Variants in DYNC2LI1 observed in about 807,000 individuals in gnomAD.
DYNC2LI1 encodes the protein cytoplasmic dynein 2 light intermediate chain 1.
A neutral mutation model predicts 51.9 loss-of-function variants in DYNC2LI1; 45 were observed. The observed-to-expected ratio is 0.87, with a 90% CI of 0.68 to 1.11. DYNC2LI1 has a LOEUF of 1.11. DYNC2LI1 is among the 50% of genes most tolerant of loss of function. The pLI, the probability that DYNC2LI1 is intolerant of heterozygous loss-of-function variation, is 0.00. For synonymous variants in DYNC2LI1, 130 were observed against 137.8 expected (o/e 0.94, Z 0.40); for missense variants, 490 against 417.4 (o/e 1.17, Z -1.51).
chr2:43,782,333 T>G (rs1673328605), intron 2 of DYNC2LI1, among the ~76,000 whole-genome samples: 1 of 152,124 alleles, frequency 6.6e-6, no homozygotes, highest in Non-Finnish European at 1.5e-5. Context: ...TTACTCAATT[T>G]GATCGTATTC....
intron 8 of DYNC2LI1, among the ~76,000 whole-genome samples, chr2:43,797,605 T>C (rs1665925998): frequency 6.8e-6 from 1 of 147,252 alleles, no homozygotes; most frequent in Non-Finnish European, 1.5e-5. Flanking sequence ...CTGCAACCTC[T>C]ATCTCCTGGG....
At chr2:43,822,577 T>C in the DYNC2LI1 span, 4 of 984,858 alleles carry the variant, frequency 4.1e-6, no homozygotes, top group African/African-American at 3.5e-5. Flanking sequence ...CAGGCACATG[T>C]CATCTTGTTG....
chr2:43,822,093 A>T, the DYNC2LI1 span, among the ~76,000 whole-genome samples: 2 of 152,102 alleles, frequency 1.3e-5, no homozygotes, highest in Admixed American at 1.3e-4. Flanking sequence ...TTTGAACTTG[A>T]TCATCATTTA....
the DYNC2LI1 span, among the ~76,000 whole-genome samples, chr2:43,817,359 C>T: frequency 6.6e-6 from 1 of 151,980 alleles, no homozygotes; most frequent in South Asian, 2.1e-4. Flanking sequence ...GTGGTGCGCA[C>T]CTGTAATCCC....
At chr2:43,788,479 C>A (rs1363230945) in intron 4 of DYNC2LI1, among the ~76,000 whole-genome samples, 4 of 152,086 alleles carry the variant, frequency 2.6e-5, no homozygotes, top group Non-Finnish European at 5.9e-5. Flanking sequence ...ATTTAATTCC[C>A]TAGGAGTCCT....
intron 3 of DYNC2LI1, among the ~76,000 whole-genome samples, chr2:43,783,982 A>G (rs1337171466): frequency 2.0e-5 from 3 of 152,196 alleles, no homozygotes; most frequent in South Asian, 4.1e-4. Context: ...TATATTTCCT[A>G]ACGTATACTG....
intron 2 of DYNC2LI1, among the ~76,000 whole-genome samples, chr2:43,778,288 G>C (rs192882559): frequency 1.3e-3 from 198 of 152,150 alleles, no homozygotes; most frequent in African/African-American, 4.6e-3. Flanking sequence ...AAGTAGCTGG[G>C]ATTACAGGCA....
At chr2:43,813,957 G>A (rs1190097431), downstream of DYNC2LI1, among the ~76,000 whole-genome samples, 1 of 151,928 alleles carries the variant, frequency 6.6e-6, no homozygotes, top group Non-Finnish European at 1.5e-5. Flanking sequence ...GACCTCAAGT[G>A]ATCCAACCTC....
chr2:43,794,716 T>C (rs1164740174), intron 6 of DYNC2LI1, 73 bp downstream of exon 6: 1 of 1,608,726 alleles, frequency 6.2e-7, no homozygotes, highest in Non-Finnish European at 8.5e-7. Flanking sequence ...CACAAACAAC[T>C]TCTTTAGATT....
At chr2:43,799,733 A>G (rs1666011877) in intron 8 of DYNC2LI1, among the ~76,000 whole-genome samples, 1 of 152,230 alleles carries the variant, frequency 6.6e-6, no homozygotes, top group African/African-American at 2.4e-5. Flanking sequence ...TCCCAGCCCT[A>G]TCTTCTATGA....
rs769247828 is a variant in DYNC2LI1, at chr2:43,801,619, T to A, written c.732-20T>A. On this transcript the variant is annotated intron_variant, in intron 9 of 12. Transcript: ENST00000260605. ...ATCTAATTGCTAAACTAATTTAGAATCTTTCTCTTCTCCACGTAGCAAATC... is the reference window on the plus strand; with the variant it reads ...ATCTAATTGCTAAACTAATTTAGAAACTTTCTCTTCTCCACGTAGCAAATC... The A allele has an allele frequency of 2.3e-5, 37 of 1,588,442 alleles. No homozygotes were observed. Among genetic ancestry groups the A allele is most frequent in the Non-Finnish European group, 3.2e-5 (37 of 1,162,326 alleles).
chr2:43,822,485 C>CCCCCCG, the DYNC2LI1 span: 5 of 925,946 alleles, frequency 5.4e-6, no homozygotes, highest in African/African-American at 9.0e-5. Flanking sequence ...CAGGCCCCCC[C>CCCCCCG]CCATGCACCT....
chr2:43,807,206 G>T (rs1319031715), intron 12 of DYNC2LI1, among the ~76,000 whole-genome samples: 1 of 152,074 alleles, frequency 6.6e-6, no homozygotes, highest in African/African-American at 2.4e-5. Flanking sequence ...AGTCCTCAAG[G>T]ATCTGAGGAT....
At chr2:43,789,559 A>G (rs1673682837) in intron 4 of DYNC2LI1, 74 bp from the exon 5 acceptor site, 1 of 1,248,962 alleles carries the variant, frequency 8.0e-7, no homozygotes, top group South Asian at 1.3e-5. Flanking sequence ...TGTATGTATA[A>G]TTATTACTGG....
chr2:43,789,859 G>A (rs1489144078), intron 5 of DYNC2LI1, 138 bp downstream of exon 5: 1 of 636,266 alleles, frequency 1.6e-6, no homozygotes, highest in Non-Finnish European at 2.6e-6. Flanking sequence ...CTTTCTAAAT[G>A]CCTAACCTGT....
chr2:43,807,743 C>CAAAAAAAAAA (rs536977133), intron 12 of DYNC2LI1, among the ~76,000 whole-genome samples: 1 of 41,618 alleles, frequency 2.4e-5, no homozygotes, highest in Non-Finnish European at 4.7e-5. Context: ...TTTGTTAAAG[C>CAAAAAAAAAA]AAAAAAAAAA....
chr2:43,824,325 T>A, the DYNC2LI1 span: 7 of 1,614,066 alleles, frequency 4.3e-6, no homozygotes, highest in Non-Finnish European at 5.1e-6. Flanking sequence ...TTCTTCAAAG[T>A]TTTATGACAA....
chr2:43,801,807 G>C, intron 10 of DYNC2LI1, 98 bp downstream of exon 10: 1 of 827,776 alleles, frequency 1.2e-6, no homozygotes, highest in Non-Finnish European at 1.9e-6. Flanking sequence ...TCCTATTTCT[G>C]GTTTCATTAT....
At position 43,776,853 on chromosome 2, in the gene DYNC2LI1, C is replaced by G; in HGVS notation, c.80C>G (p.Ala27Gly). 6.2e-7 allele frequency: 1 copy of G among 1,603,670 alleles called. No homozygotes were observed. The highest frequency in any genetic ancestry group is 8.5e-7 in the Non-Finnish European group (1 of 1,175,210). Residue 27 changes from alanine (A) to glycine (G), a missense_variant, in exon 2 of 13, where the codon GCT (alanine) becomes GGT (glycine). Physicochemically the swap from Ala to Gly is moderately conservative, Grantham distance 60 (BLOSUM62 0). Coordinates refer to ENST00000260605, the MANE Select transcript of DYNC2LI1 (RefSeq NM_016008.4). ...ATTAATGGAAGTGAAGGTGATGGAG[C>G]TGAAATTGCAGAAAAATTTGTTTTC... ...RGINGSEGDGAEIAEKFVFFI... is the reference protein window; with the variant it reads ...RGINGSEGDGGEIAEKFVFFI...
Sources: gnomAD v4.1 joint callset for allele counts (sites outside exome capture counted in the v4.1 genomes callset) on GRCh38, gnomAD v4.1.1 for gene constraint, MANE v1.5 for transcripts, NCBI Gene and HGNC (gene_info 2026-07-23, HGNC 2026-07-21) for gene names.